The following SCFD2 variants were observed in gnomAD, a reference collection of about 807,000 sequenced individuals.
SCFD2 encodes sec1 family domain containing 2.
Under a neutral mutation model 58.9 loss-of-function variants are expected in SCFD2, and 54 were observed. The ratio of observed to expected loss-of-function variants is 0.92; its 90% CI spans 0.74 to 1.15. SCFD2 has a LOEUF of 1.15. SCFD2 is among the 50% of genes most tolerant of loss of function. SCFD2 has a pLI of 0.00. For missense variants in SCFD2, 805 were observed against 836.6 expected, an observed-to-expected ratio of 0.96 and a Z score of 0.47; for synonymous variants, 321 against 335.9, an observed-to-expected ratio of 0.96 and a Z score of 0.49.
intron 5 of SCFD2, among the ~76,000 whole-genome samples, chr4:53,053,326 A>G (rs1723235334): frequency 6.6e-6 from 1 of 152,122 alleles, no homozygotes; most frequent in East Asian, 1.9e-4. Flanking sequence ...GAGCTGCTTC[A>G]GTGCTGGGAA....
chr4:53,062,437 G>C (rs549751272), intron 5 of SCFD2, among the ~76,000 whole-genome samples: 1 of 152,016 alleles, frequency 6.6e-6, no homozygotes, highest in African/African-American at 2.4e-5. Flanking sequence ...AAAGAGTTTT[G>C]TTTGCTTTCA....
intron 4 of SCFD2, among the ~76,000 whole-genome samples, chr4:53,160,224 G>A (rs1417848783): frequency 1.3e-5 from 2 of 152,202 alleles, no homozygotes; most frequent in East Asian, 1.9e-4. Flanking sequence ...TTCTGACATG[G>A]AAGTCACAGA....
intron 7 of SCFD2, among the ~76,000 whole-genome samples, chr4:52,903,211 G>T (rs559235526): frequency 6.6e-6 from 1 of 152,360 alleles, no homozygotes; most frequent in Non-Finnish European, 1.5e-5. Flanking sequence ...GAGAGCATCA[G>T]ATTTCTTTGA....
intron 5 of SCFD2, among the ~76,000 whole-genome samples, chr4:53,077,701 G>C (rs969106422): frequency 1.3e-5 from 2 of 152,092 alleles, no homozygotes; most frequent in African/African-American, 2.4e-5. Context: ...GCCCCCCAAA[G>C]TGCTAGGATT....
chr4:53,359,540 C>A (rs1734493777), intron 1 of SCFD2, among the ~76,000 whole-genome samples: 1 of 152,162 alleles, frequency 6.6e-6, no homozygotes, highest in Admixed American at 6.5e-5. Flanking sequence ...AGCCTGCGAA[C>A]AAAGTGAAAT....
At chr4:53,299,214 G>T (rs1237776052) in intron 3 of SCFD2, among the ~76,000 whole-genome samples, 1 of 152,134 alleles carries the variant, frequency 6.6e-6, no homozygotes, top group African/African-American at 2.4e-5. Flanking sequence ...TTAGATGAAT[G>T]GATAACTAGA....
At chr4:53,089,892 C>T (rs13114411) in intron 5 of SCFD2, among the ~76,000 whole-genome samples, 31,554 of 152,094 alleles carry the variant, frequency 0.21, 3,594 homozygotes, top group Non-Finnish European at 0.26. Context: ...GTTATACAAA[C>T]ATATTTCCCC....
chr4:52,975,328 AAAAC>A (rs1721223568), intron 5 of SCFD2, among the ~76,000 whole-genome samples: 2 of 152,218 alleles, frequency 1.3e-5, no homozygotes, highest in Non-Finnish European at 2.9e-5. Context: ...TTATAAGAAA[AAAAC>A]AAACAACCCC....
At chr4:52,898,613 A>G (rs1213686850) in intron 7 of SCFD2, among the ~76,000 whole-genome samples, 1 of 152,184 alleles carries the variant, frequency 6.6e-6, no homozygotes, top group Non-Finnish European at 1.5e-5. Flanking sequence ...GCGGTGCTGA[A>G]AAGAATGCAT....
At chr4:53,262,285 T>A (rs1730852394) in intron 4 of SCFD2, among the ~76,000 whole-genome samples, 1 of 152,190 alleles carries the variant, frequency 6.6e-6, no homozygotes, top group Non-Finnish European at 1.5e-5. Context: ...TACTATTCTA[T>A]CCATCATGCT....
intron 3 of SCFD2, among the ~76,000 whole-genome samples, chr4:53,312,913 G>A (rs1453717096): frequency 1.3e-5 from 2 of 151,764 alleles, no homozygotes; most frequent in African/African-American, 4.8e-5. Flanking sequence ...AAATATTTCT[G>A]TATCAATAAA....
At chr4:53,233,354 A>T (rs1729498681) in intron 4 of SCFD2, among the ~76,000 whole-genome samples, 1 of 151,874 alleles carries the variant, frequency 6.6e-6, no homozygotes, top group South Asian at 2.1e-4. Flanking sequence ...ATGCAAGAAT[A>T]ACCAGAATGG....
intron 5 of SCFD2, among the ~76,000 whole-genome samples, chr4:52,993,041 C>G (rs1215941691): frequency 6.6e-6 from 1 of 151,920 alleles, no homozygotes; most frequent in East Asian, 1.9e-4. Flanking sequence ...CCATTTTGTT[C>G]TGTACTAAGA....
intron 4 of SCFD2, among the ~76,000 whole-genome samples, chr4:53,264,069 A>T (rs568383922): frequency 6.6e-6 from 1 of 152,278 alleles, no homozygotes; most frequent in East Asian, 1.9e-4. Flanking sequence ...ATCACCAGGG[A>T]AAAGGGGTAA....
intron 4 of SCFD2, among the ~76,000 whole-genome samples, chr4:53,197,318 T>TA: frequency 6.6e-6 from 1 of 152,290 alleles, no homozygotes; most frequent in African/African-American, 2.4e-5. Flanking sequence ...AATCATCTGT[T>TA]AGTTTCTTCT....
intron 4 of SCFD2, among the ~76,000 whole-genome samples, chr4:53,183,796 T>C (rs1727657857): frequency 6.6e-6 from 1 of 152,126 alleles, no homozygotes; most frequent in East Asian, 1.9e-4. Flanking sequence ...TACTTAACAG[T>C]TATAAAGAAA....
chr4:53,069,322 G>A (rs916538897), intron 5 of SCFD2, among the ~76,000 whole-genome samples: 17 of 152,188 alleles, frequency 1.1e-4, no homozygotes, highest in African/African-American at 4.1e-4. Flanking sequence ...ACTCTGAAGG[G>A]AAGGATATTC....
chr4:52,947,628 CA>C (rs1393387520), intron 5 of SCFD2, among the ~76,000 whole-genome samples: 1 of 151,890 alleles, frequency 6.6e-6, no homozygotes, highest in Non-Finnish European at 1.5e-5. Context: ...GTTCCATGCA[CA>C]TATGGAAACT....
rs1719663960 is a variant in SCFD2 at position 52,918,662 on chromosome 4, A to G, written c.1707+2063T>C. The stretch of plus-strand genomic sequence containing the variant: ...TAAATTTTTCCTAAATTTTAAAGAC[A>G]TTAAGTATACATACCTATGAAATAT... On this transcript the variant is annotated intron_variant, in intron 6 of 8. Coordinates refer to ENST00000401642, the MANE Select transcript of SCFD2 (RefSeq NM_152540.4). Among the ~76,000 whole-genome samples, 3 of 152,192 alleles carry G rather than the reference A, an allele frequency of 2.0e-5. No homozygotes were observed. The East Asian group carries it at 5.8e-4, about 29-fold the overall frequency.
Sources: allele counts gnomAD v4.1 joint callset (sites outside exome capture counted in the v4.1 genomes callset), GRCh38; gene constraint gnomAD v4.1.1; transcripts MANE v1.5; gene names NCBI Gene and HGNC (gene_info 2026-07-23, HGNC 2026-07-21).